Variants in MAOB observed in about 807,000 individuals in gnomAD.
The protein encoded by MAOB is amine oxidase [flavin-containing] B.
A neutral mutation model predicts 41.9 loss-of-function variants in MAOB; 15 were observed. The observed-to-expected ratio is 0.36, with a 90% CI of 0.24 to 0.55. MAOB has a LOEUF of 0.55. Among genes scored for constraint, MAOB ranks in the 20% least tolerant of loss-of-function variants. The probability of loss-of-function intolerance (pLI) is 0.86; values close to 1 mark genes in which losing one functional copy is unlikely to be tolerated. For synonymous variants in MAOB, 167 were observed against 144.2 expected (o/e 1.16, Z -1.13); for missense variants, 345 against 398.7 (o/e 0.87, Z 1.15).
chrX:43,848,370 A>T (rs1349195776), intron 1 of MAOB, among the ~76,000 whole-genome samples: 1 of 111,941 alleles, frequency 8.9e-6, no homozygotes, highest in Admixed American at 9.5e-5. Flanking sequence ...AATACTACAT[A>T]AGGACTCTTT....
chrX:43,790,038 T>G (rs2034444715), intron 8 of MAOB, among the ~76,000 whole-genome samples: 1 of 111,851 alleles, frequency 8.9e-6, no homozygotes, highest in African/African-American at 3.3e-5. Context: ...ACTGAACTTG[T>G]GAAACAAAAC....
chrX:43,790,404 C>T (rs1187124098), intron 8 of MAOB, among the ~76,000 whole-genome samples: 1 of 111,754 alleles, frequency 8.9e-6, no homozygotes, highest in Non-Finnish European at 1.9e-5. Flanking sequence ...GTGCAATTAC[C>T]AGTTTGCATG....
intron 1 of MAOB, among the ~76,000 whole-genome samples, chrX:43,866,494 T>C (rs1408209685): frequency 8.9e-6 from 1 of 112,100 alleles, no homozygotes; most frequent in Non-Finnish European, 1.9e-5. Flanking sequence ...TCCACTCATA[T>C]AAGAACTGAG....
At position 43,793,672 on chromosome X, in the gene MAOB, A is replaced by G. The variant is rs1354866519; in HGVS notation, c.769-94T>C. 7 of 743,866 alleles carry G rather than the reference A, an allele frequency of 9.4e-6. No homozygotes were observed. The African/African-American group carries it at 1.6e-4, about 16-fold the overall frequency. 61.3% of individuals were successfully genotyped at this position (743,866 alleles called of 1,213,427 possible). On this transcript the variant is annotated intron_variant, in intron 7 of 14. Coordinates refer to ENST00000378069, the MANE Select transcript of MAOB (RefSeq NM_000898.5). ...CTCATTCTATCGTTATATTCTTTTCAGTCTCTTAAAGAAGTGACAAGGATT... is the reference window on the plus strand; with the variant it reads ...CTCATTCTATCGTTATATTCTTTTCGGTCTCTTAAAGAAGTGACAAGGATT...
At chrX:43,877,876 T>C (rs1413358741) in intron 1 of MAOB, among the ~76,000 whole-genome samples, 1 of 112,630 alleles carries the variant, frequency 8.9e-6, no homozygotes, top group Non-Finnish European at 1.9e-5. Context: ...ATACATGGCG[T>C]CCTGTTGCCA....
intron 3 of MAOB, among the ~76,000 whole-genome samples, chrX:43,830,551 C>T (rs1284718083): frequency 8.9e-6 from 1 of 112,012 alleles, no homozygotes; most frequent in Non-Finnish European, 1.9e-5. Flanking sequence ...TCCTAGCCTA[C>T]CAATAACACA....
Position 43,775,249 on chromosome X carries a change from G to T in MAOB, c.1161C>A (p.Asn387Lys). 8.3e-7 allele frequency: 1 copy of T among 1,205,752 alleles called. No homozygotes were observed. Among genetic ancestry groups the T allele is most frequent in the African/African-American group, 1.7e-5 (1 of 57,354 alleles). The change falls in exon 12 of 15, where the codon AAC becomes AAA. Residue 387 changes from asparagine (N) to lysine (K), a missense_variant. Coordinates refer to ENST00000378069, the MANE Select transcript of MAOB (RefSeq NM_000898.5). ...ALEPVHYEEK[N>K]WCEEQYSGGC... ...CCCCAGAGTACTGCTCCTCACACCAGTTCTTTTCTTCATAATGCACTGGCT... is the reference window on the plus strand; with the variant it reads ...CCCCAGAGTACTGCTCCTCACACCATTTCTTTTCTTCATAATGCACTGGCT...
chrX:43,804,675 A>T (rs901066873), intron 3 of MAOB, among the ~76,000 whole-genome samples: 1 of 111,824 alleles, frequency 8.9e-6, no homozygotes, highest in African/African-American at 3.2e-5. Flanking sequence ...TCACGGACCC[A>T]AGGAAGAGTT....
chrX:43,859,749 C>T (rs765183293), intron 1 of MAOB, among the ~76,000 whole-genome samples: 122 of 112,067 alleles, frequency 1.1e-3, no homozygotes, highest in South Asian at 2.3e-3. Flanking sequence ...TTCTTCTGTC[C>T]TGGATCATTA....
At chrX:43,789,434 C>T (rs181187449) in intron 8 of MAOB, among the ~76,000 whole-genome samples, 2 of 112,260 alleles carry the variant, frequency 1.8e-5, no homozygotes, top group African/African-American at 6.5e-5. Flanking sequence ...ACAAGTACAG[C>T]TTCTGCCATT....
chrX:43,857,106 TATATATATATAGAGAGAGAGAGAGAG>T (rs1177136477), intron 1 of MAOB, among the ~76,000 whole-genome samples: 57 of 24,445 alleles, frequency 2.3e-3, no homozygotes, highest in South Asian at 8.2e-3. Flanking sequence ...TATATATATA[TATATATATATAGAGAGAGAGAGAGAG>T]AGAGAGAGAG....
At chrX:43,820,547 G>A (rs190398528) in intron 3 of MAOB, among the ~76,000 whole-genome samples, 10 of 111,693 alleles carry the variant, frequency 9.0e-5, no homozygotes, top group African/African-American at 2.9e-4. Flanking sequence ...CATAATCATC[G>A]CAAACTCTTA....
In MAOB at chrX:43,767,280, A is replaced by G; in HGVS notation, c.*186T>C. On this transcript the variant is annotated 3_prime_UTR_variant, in exon 15 of 15. Transcript: ENST00000378069. ...AACAGAACGCTAAGCCAGGTAAGGG[A>G]CACTAAGCAGGGGCCACAACGGAGA... The G allele has an allele frequency of 4.8e-6, 2 of 413,266 alleles. No individual in the cohort carries two copies. Among genetic ancestry groups the G allele is most frequent in the Non-Finnish European group, 4.0e-6 (1 of 247,315 alleles). 34.1% of individuals were successfully genotyped at this position (413,266 alleles called of 1,213,427 possible).
intron 12 of MAOB, among the ~76,000 whole-genome samples, chrX:43,770,067 A>G (rs1424783902): frequency 9.0e-6 from 1 of 111,108 alleles, no homozygotes; most frequent in Non-Finnish European, 1.9e-5. Context: ...AGAATGAAAG[A>G]CTTATTCCCA....
chrX:43,880,049 A>T (rs2035463651), intron 1 of MAOB, among the ~76,000 whole-genome samples: 1 of 111,915 alleles, frequency 8.9e-6, no homozygotes, highest in South Asian at 3.7e-4. Flanking sequence ...CTTCCCTAGA[A>T]TTTTTTATAT....
At chrX:43,779,435 T>C (rs1339365479) in intron 10 of MAOB, among the ~76,000 whole-genome samples, 4 of 112,013 alleles carry the variant, frequency 3.6e-5, no homozygotes, top group Non-Finnish European at 7.5e-5. Context: ...TTCTAAAAAA[T>C]TATCTTGGAA....
In MAOB at chrX:43,838,957, T is replaced by C; in HGVS notation, c.190A>G (p.Thr64Ala). The change falls in exon 3 of 15, where the codon ACC (threonine) becomes GCC (alanine). Residue 64 changes from threonine to alanine, a missense_variant. Thr to Ala is a moderately conservative substitution (Grantham distance 58). Transcript: ENST00000378069. ...VDLGGSYVGPTQNRILRLAKE... is the reference protein window; with the variant it reads ...VDLGGSYVGPAQNRILRLAKE... ...GCTAATCTCAAGATACGATTCTGGGTTGGTCCAACATAGGATCCTCCAAGG... is the reference window on the plus strand; with the variant it reads ...GCTAATCTCAAGATACGATTCTGGGCTGGTCCAACATAGGATCCTCCAAGG... 8.3e-7 allele frequency: 1 copy of C among 1,204,698 alleles called. No individual in the cohort carries two copies. The highest frequency in any genetic ancestry group is 1.8e-5 in the South Asian group (1 of 55,472).
intron 3 of MAOB, among the ~76,000 whole-genome samples, chrX:43,804,755 C>G (rs1052665322): frequency 6.3e-5 from 7 of 111,828 alleles, no homozygotes; most frequent in Non-Finnish European, 1.3e-4. Context: ...ATCTTTTTCT[C>G]TTAAGGACTT....
chrX:43,857,168 A>AAGAAGAAGAG (rs1555968517), intron 1 of MAOB, among the ~76,000 whole-genome samples: 2 of 24,866 alleles, frequency 8.0e-5, no homozygotes, highest in East Asian at 3.0e-3. Context: ...GAGAGAGAAG[A>AAGAAGAAGAG]AGAGAGAGAG....
Sources: allele counts gnomAD v4.1 joint callset (sites outside exome capture counted in the v4.1 genomes callset), GRCh38; gene constraint gnomAD v4.1.1; transcripts MANE v1.5; gene names NCBI Gene and HGNC (gene_info 2026-07-23, HGNC 2026-07-21).